LRSAM1: variants seen among roughly 807,000 people sequenced by gnomAD.
LRSAM1 encodes the protein leucine rich repeat and sterile alpha motif containing 1.
LRSAM1 carries 96 observed loss-of-function variants against 118.1 expected under a neutral mutation model. The observed-to-expected ratio is 0.81, with a 90% CI of 0.69 to 0.96. The LOEUF is 0.96. Among genes scored for constraint, LRSAM1 ranks in the 40% least tolerant of loss-of-function variants. The probability of loss-of-function intolerance (pLI) is 0.00; values close to 1 mark genes in which losing one functional copy is unlikely to be tolerated. For synonymous variants in LRSAM1, 322 were observed against 364.2 expected (o/e 0.88, Z 1.32); for missense variants, 804 against 915.5 (o/e 0.88, Z 1.57).
At chr9:127,461,048 A>T in intron 7 of LRSAM1, 125 bp from the exon 8 acceptor site, 2 of 618,374 alleles carry the variant, frequency 3.2e-6, no homozygotes, top group Non-Finnish European at 5.9e-6. Flanking sequence ...TAGAGATGGG[A>T]TTTCACTATG....
chr9:127,492,453 G>T (rs1036368262), intron 20 of LRSAM1, among the ~76,000 whole-genome samples: 1 of 152,220 alleles, frequency 6.6e-6, no homozygotes, highest in Non-Finnish European at 1.5e-5. Flanking sequence ...CTCCATTTGT[G>T]TGGGGCCCCA....
intron 9 of LRSAM1, 102 bp from the exon 10 acceptor site, chr9:127,467,638 C>G: frequency 8.8e-7 from 1 of 1,131,440 alleles, no homozygotes; most frequent in East Asian, 2.6e-5. Context: ...GCCATTCCTG[C>G]TGGGTAGAGG....
Position 127,461,276 on chromosome 9 carries a change from T to A in LRSAM1, c.406+19T>A. ...GTTAAAGGTAGGGACCAAGAAGCCG[T>A]GTCCGTGTGACCCTCCATCAGCTCT... On this transcript the variant is annotated intron_variant, in intron 8 of 25. Transcript: ENST00000300417. 1 of 1,605,002 alleles carries A rather than the reference T, an allele frequency of 6.2e-7. No individual in the cohort carries two copies. Among genetic ancestry groups the A allele is most frequent in the Non-Finnish European group, 8.5e-7 (1 of 1,173,094 alleles).
chr9:127,499,811 G>T (rs1353912506), intron 24 of LRSAM1, among the ~76,000 whole-genome samples: 2 of 151,820 alleles, frequency 1.3e-5, no homozygotes, highest in East Asian at 2.0e-4. Context: ...TCCCAGATAC[G>T]CAAGAGGAGA....
chr9:127,470,223 A>G (rs1373994890), intron 10 of LRSAM1, among the ~76,000 whole-genome samples: 3 of 152,204 alleles, frequency 2.0e-5, no homozygotes, highest in Admixed American at 6.6e-5. Context: ...AATTCTTTAT[A>G]AAGAAAAGAA....
rs1426037710 is a variant in LRSAM1, at chr9:127,477,825, A to G, written c.751-1109A>G. Among the ~76,000 whole-genome samples, 3 of 152,198 alleles carry G rather than the reference A, an allele frequency of 2.0e-5. No homozygotes were observed. The East Asian group carries it at 5.8e-4, about 29-fold the overall frequency. On this transcript the variant is annotated intron_variant, in intron 11 of 25. Coordinates refer to ENST00000300417, the MANE Select transcript of LRSAM1 (RefSeq NM_001005373.4). Reference sequence around the variant, plus strand: ...CACTTTGGGAGGCCGAGGCAAATGGATCACCTGAGGTCAGGAGTTCGAGAC... The same window carrying G: ...CACTTTGGGAGGCCGAGGCAAATGGGTCACCTGAGGTCAGGAGTTCGAGAC...
chr9:127,480,734 C>T (rs897329605), intron 14 of LRSAM1, among the ~76,000 whole-genome samples: 2 of 152,224 alleles, frequency 1.3e-5, no homozygotes, highest in Admixed American at 6.5e-5. Context: ...GTCACTGAGG[C>T]TGGAGTGCAG....
chr9:127,497,494 C>T (rs906772489), intron 24 of LRSAM1, among the ~76,000 whole-genome samples, 160 bp downstream of exon 24: 1 of 152,192 alleles, frequency 6.6e-6, no homozygotes, highest in African/African-American at 2.4e-5. Context: ...GCTTAGGGAT[C>T]AGTGAGCCCA....
intron 8 of LRSAM1, 89 bp downstream of exon 8, chr9:127,461,346 A>G: frequency 8.3e-7 from 1 of 1,202,950 alleles, no homozygotes; most frequent in Non-Finnish European, 1.2e-6. Context: ...CCCGGGAGCC[A>G]TTGAGCAGGA....
At chr9:127,469,294 A>ACTC (rs1835075633) in intron 10 of LRSAM1, among the ~76,000 whole-genome samples, 2 of 151,662 alleles carry the variant, frequency 1.3e-5, no homozygotes, top group South Asian at 4.2e-4. Context: ...ACATGGTAAA[A>ACTC]CTCCATCTCT....
intron 15 of LRSAM1, among the ~76,000 whole-genome samples, chr9:127,482,255 G>A (rs1365312088): frequency 1.3e-5 from 2 of 149,274 alleles, no homozygotes; most frequent in African/African-American, 5.0e-5. Context: ...CGATTCTCCT[G>A]CCTCAGCATC....
intron 11 of LRSAM1, among the ~76,000 whole-genome samples, chr9:127,475,696 A>G (rs922048612): frequency 3.9e-5 from 6 of 152,086 alleles, no homozygotes; most frequent in Admixed American, 2.6e-4. Context: ...TGGTATCACA[A>G]CTTTGGAGGA....
At chr9:127,475,350 GC>G (rs566050905) in intron 11 of LRSAM1, among the ~76,000 whole-genome samples, 142 of 152,150 alleles carry the variant, frequency 9.3e-4, no homozygotes, top group African/African-American at 3.4e-3. Flanking sequence ...ACTTAGCCAG[GC>G]ATGGAGGCGT....
chr9:127,495,406 C>T lies in LRSAM1; in HGVS notation c.1686C>T (p.Ser562=), dbSNP rs1836091321. 2 of 1,613,796 alleles carry T rather than the reference C, an allele frequency of 1.2e-6. No homozygotes were observed. The highest frequency in any genetic ancestry group is 2.7e-5 in the African/African-American group (2 of 75,050). The change falls in exon 22 of 26, where the codon TCC becomes TCT. Residue 562 remains serine, a synonymous_variant. Transcript: ENST00000300417. ...YQRLLNQKPL[S]LKLQEEGMER... ...GGCTTTTGAACCAGAAGCCCTTGTC[C>T]TTGAAGCTGCAAGTAAGGACTGCTG...
intron 5 of LRSAM1, among the ~76,000 whole-genome samples, chr9:127,456,706 T>A (rs1167113820): frequency 1.4e-4 from 21 of 147,936 alleles, no homozygotes; most frequent in African/African-American, 4.5e-4. Flanking sequence ...CTACCAAAAA[T>A]AAAAAAAAAA....
chr9:127,472,740 GAA>G (rs1253487544), intron 10 of LRSAM1, among the ~76,000 whole-genome samples: 1 of 152,160 alleles, frequency 6.6e-6, no homozygotes, highest in African/African-American at 2.4e-5. Flanking sequence ...TGTCTCTCAA[GAA>G]AAGTCTTGGG....
chr9:127,464,581 T>C (rs1834863902), intron 9 of LRSAM1, among the ~76,000 whole-genome samples: 1 of 151,920 alleles, frequency 6.6e-6, no homozygotes, highest in Admixed American at 6.6e-5. Context: ...TTTTAGACAA[T>C]ACAGCTCAGA....
At chr9:127,494,624 AAG>A (rs1166594568) in intron 21 of LRSAM1, among the ~76,000 whole-genome samples, 1 of 152,196 alleles carries the variant, frequency 6.6e-6, no homozygotes, top group African/African-American at 2.4e-5. Flanking sequence ...GTACTCAACG[AAG>A]AGTTATCGAA....
chr9:127,502,049 G>A (rs1836411803), intron 25 of LRSAM1, among the ~76,000 whole-genome samples: 1 of 152,226 alleles, frequency 6.6e-6, no homozygotes, highest in African/African-American at 2.4e-5. Flanking sequence ...AGTGGCTGCT[G>A]CTCCGGGTTG....
Sources: gnomAD v4.1 joint callset for allele counts (sites outside exome capture counted in the v4.1 genomes callset) on GRCh38, gnomAD v4.1.1 for gene constraint, MANE v1.5 for transcripts, NCBI Gene and HGNC (gene_info 2026-07-23, HGNC 2026-07-21) for gene names.